ADAMTS15: variants seen among roughly 807,000 people sequenced by gnomAD.
ADAMTS15 encodes the protein ADAM metallopeptidase with thrombospondin type 1 motif 15, also known as A disintegrin and metalloproteinase with thrombospondin motifs 15.
Under a neutral mutation model 79.1 loss-of-function variants are expected in ADAMTS15, and 35 were observed. The observed-to-expected ratio is 0.44, with a 90% CI of 0.34 to 0.59. ADAMTS15 has a LOEUF of 0.59. Ranked by LOEUF, ADAMTS15 falls within the 20% of genes least tolerant of loss-of-function variation. The pLI, the probability that ADAMTS15 is intolerant of heterozygous loss-of-function variation, is 0.02. For synonymous variants in ADAMTS15, 616 were observed against 567.3 expected (o/e 1.09, Z -1.22); for missense variants, 1,324 against 1,318.7 (o/e 1.00, Z -0.06).
rs902206587 is a variant in ADAMTS15 at position 130,449,945 on chromosome 11, C to T, written c.957+15C>T. On this transcript the variant is annotated intron_variant, in intron 1 of 7. Coordinates refer to ENST00000299164, the MANE Select transcript of ADAMTS15 (RefSeq NM_139055.4). This position sits in a 1 kb window ranked among gnomAD's most constrained non-coding sequence, Gnocchi z 7.8. The stretch of plus-strand genomic sequence containing the variant: ...TCACCAGGCAGGTGAGTTGATCTGC[C>T]GTCACTTTGCACCCAGATAGTCCCG... 6.3e-7 allele frequency: 1 copy of T among 1,595,132 alleles called. No homozygotes were observed. The highest frequency in any genetic ancestry group is 8.5e-7 in the Non-Finnish European group (1 of 1,176,636).
intron 4 of ADAMTS15, among the ~76,000 whole-genome samples, chr11:130,466,896 A>G (rs1938311932): frequency 6.6e-6 from 1 of 151,948 alleles, no homozygotes; most frequent in Non-Finnish European, 1.5e-5. Flanking sequence ...TGCCACCTGT[A>G]CTTCCTTCAG....
At position 130,474,390 on chromosome 11, in the gene ADAMTS15, G is replaced by A. The variant is rs1371008939; in HGVS notation, c.*569G>A. 1.3e-5 allele frequency: 2 copies of A among 153,224 alleles called. No individual in the cohort carries two copies. Among genetic ancestry groups the A allele is most frequent in the Non-Finnish European group, 2.9e-5 (2 of 68,806 alleles). 9.5% of individuals were successfully genotyped at this position (153,224 alleles called of 1,614,324 possible). On this transcript the variant is annotated 3_prime_UTR_variant, in exon 8 of 8. Coordinates refer to ENST00000299164, the MANE Select transcript of ADAMTS15 (RefSeq NM_139055.4). Reference sequence around the variant, plus strand: ...CCCCTGGAGCCTGGCACTCCACCTTGGAAGACGTGGACGTGCACAGGGAGT... The same window carrying A: ...CCCCTGGAGCCTGGCACTCCACCTTAGAAGACGTGGACGTGCACAGGGAGT...
intron 4 of ADAMTS15, among the ~76,000 whole-genome samples, chr11:130,467,340 G>A (rs1366281555): frequency 1.3e-5 from 2 of 152,146 alleles, no homozygotes; most frequent in Non-Finnish European, 2.9e-5. Flanking sequence ...TGAGGAAAGA[G>A]CAAACGTGGG....
At chr11:130,468,690 A>G (rs866325340) in intron 4 of ADAMTS15, among the ~76,000 whole-genome samples, 13 of 145,154 alleles carry the variant, frequency 9.0e-5, no homozygotes, top group Admixed American at 3.5e-4. Context: ...GCGTGAACCC[A>G]GGAGGCGGAG....
chr11:130,449,894 C>G lies in ADAMTS15; in HGVS notation c.921C>G (p.Pro307=), dbSNP rs781780911. ...TGAACAAAGTGAGTGACAAGCACCCCGAGTACTGGGACACTGCCATCCTCT... is the reference window on the plus strand; with the variant it reads ...TGAACAAAGTGAGTGACAAGCACCCGGAGTACTGGGACACTGCCATCCTCT... The part of the protein sequence containing the change: ...KKLNKVSDKH[P]EYWDTAILFT... Residue 307 remains proline, a synonymous_variant, in exon 1 of 8, where the codon CCC becomes CCG. Coordinates refer to ENST00000299164, the MANE Select transcript of ADAMTS15 (RefSeq NM_139055.4). This position sits in a 1 kb window ranked among gnomAD's most constrained non-coding sequence, Gnocchi z 7.8. 3.0e-5 allele frequency: 48 copies of G among 1,600,912 alleles called. No homozygotes were observed. The highest frequency in any genetic ancestry group is 3.9e-5 in the Non-Finnish European group (46 of 1,179,956).
At chr11:130,470,156 A>ATATATACATATATATATATATATGTG (rs1938402773) in intron 5 of ADAMTS15, among the ~76,000 whole-genome samples, 1 of 44,420 alleles carries the variant, frequency 2.3e-5, no homozygotes, top group Non-Finnish European at 4.6e-5. Flanking sequence ...ATATATGTGT[A>ATATATACATATATATATATATATGTG]TATATATATA....
rs911391031 is a variant in ADAMTS15, at chr11:130,468,939, C to CAAAAAAAA, written c.1543-303_1543-296dup. Among the ~76,000 whole-genome samples, 36 of 27,846 alleles carry CAAAAAAAA rather than the reference C, an allele frequency of 1.3e-3. 1 individual carries two copies. Among genetic ancestry groups the CAAAAAAAA allele is most frequent in the African/African-American group, 3.4e-3 (34 of 10,138 alleles). 18.3% of individuals were successfully genotyped at this position (27,846 alleles called of 152,430 possible). On this transcript the variant is annotated intron_variant, in intron 4 of 7. Transcript: ENST00000299164. ...GCAAAAGAGGGAGACTCCACCTCAACAAAAAAAAAAAAAAAAAAAAAAAAA... is the reference window on the plus strand; with the variant it reads ...GCAAAAGAGGGAGACTCCACCTCAACAAAAAAAAAAAAAAAAAAAAAAAAAAAAAAAAA...
chr11:130,459,305 C>T (rs1346472015), intron 1 of ADAMTS15, among the ~76,000 whole-genome samples: 1 of 152,138 alleles, frequency 6.6e-6, no homozygotes, highest in East Asian at 1.9e-4. Context: ...GCTGGGATTA[C>T]AGGTGTGCAC....
At position 130,473,645 on chromosome 11, in the gene ADAMTS15, C is replaced by T. The variant is rs1315144310; in HGVS notation, c.2677C>T (p.Pro893Ser). 4 of 1,607,384 alleles carry T rather than the reference C, an allele frequency of 2.5e-6. No individual in the cohort carries two copies. In the African/African-American group the frequency reaches 4.0e-5, roughly 16 times the overall value. ...RPVETQACGE[P>S]CPTWELSAWS... is the part of the protein sequence containing the mutation. ...CGTGGAGACACAAGCCTGCGGGGAGCCCTGCCCCACCTGGGAGCTCAGCGC... is the reference window on the plus strand; with the variant it reads ...CGTGGAGACACAAGCCTGCGGGGAGTCCTGCCCCACCTGGGAGCTCAGCGC... The change falls in exon 8 of 8, where the codon CCC becomes TCC. Residue 893 changes from proline (P) to serine (S), a missense_variant. Physicochemically the swap from Pro to Ser is moderately conservative, Grantham distance 74. Coordinates refer to ENST00000299164, the MANE Select transcript of ADAMTS15 (RefSeq NM_139055.4).
Position 130,462,964 on chromosome 11 carries a change from C to CT in ADAMTS15, c.1542+185dup, listed in dbSNP as rs143562491. Among the ~76,000 whole-genome samples the CT allele has an allele frequency of 0.019, 2,904 of 152,326 alleles. 93 individuals carry two copies. The highest frequency in any genetic ancestry group is 0.065 in the African/African-American group (2,698 of 41,560). On this transcript the variant is annotated intron_variant, in intron 4 of 7. Transcript: ENST00000299164. The surrounding 1 kb of genome is among the most constrained non-coding windows in gnomAD (Gnocchi z 4.3). ...ATATAGTCCTATCCCCTTCTTGACTCTAAGACCGGAGAGAAAAGCTATGGC... is the reference window on the plus strand; with the variant it reads ...ATATAGTCCTATCCCCTTCTTGACTCTTAAGACCGGAGAGAAAAGCTATGGC...
Position 130,472,918 on chromosome 11 carries a change from A to G in ADAMTS15, c.2079-129A>G. 7.2e-7 allele frequency: 1 copy of G among 1,391,380 alleles called. No individual in the cohort carries two copies. Among genetic ancestry groups the G allele is most frequent in the Non-Finnish European group, 9.8e-7 (1 of 1,021,350 alleles). 86.2% of individuals were successfully genotyped at this position (1,391,380 alleles called of 1,614,324 possible). On this transcript the variant is annotated intron_variant, in intron 7 of 7. Transcript: ENST00000299164. This position sits in a 1 kb window ranked among gnomAD's most constrained non-coding sequence, Gnocchi z 4.7. ...AGGGGCAGGGACCTCTCTGACTCCA[A>G]AACCTGTGCTTTTACTCCCATGCCA...
At chr11:130,455,977 G>A (rs1402595921) in intron 1 of ADAMTS15, among the ~76,000 whole-genome samples, 1 of 152,216 alleles carries the variant, frequency 6.6e-6, no homozygotes. Context: ...ACCAGAGGCA[G>A]CAGGAAGTCA....
intron 1 of ADAMTS15, among the ~76,000 whole-genome samples, chr11:130,453,322 T>C (rs1298177989): frequency 6.6e-6 from 1 of 151,712 alleles, no homozygotes; most frequent in Admixed American, 6.6e-5. Flanking sequence ...GGTTTTACTG[T>C]CTGTTTCTTC....
In ADAMTS15 at chr11:130,449,810, C is replaced by T. The variant is rs1157060753; in HGVS notation, c.837C>T (p.Pro279=). 3 of 1,611,096 alleles carry T rather than the reference C, an allele frequency of 1.9e-6. No individual in the cohort carries two copies. The highest frequency in any genetic ancestry group is 2.5e-6 in the Non-Finnish European group (3 of 1,180,028). ...VLLLRDRDSG[P]KVTGNAALTL... ...TTCTTAGAGATCGTGACTCCGGGCC[C>T]AAGGTCACCGGCAATGCGGCCCTGA... The change falls in exon 1 of 8, where the codon CCC becomes CCT. Residue 279 remains proline (P), a synonymous_variant. Transcript: ENST00000299164. This position sits in a 1 kb window ranked among gnomAD's most constrained non-coding sequence, Gnocchi z 7.8.
rs78506847 is a variant in ADAMTS15 at position 130,473,255 on chromosome 11, G to A, written c.2287G>A (p.Gly763Ser). 6.1e-5 allele frequency: 98 copies of A among 1,613,526 alleles called. No individual in the cohort carries two copies. The East Asian group carries it at 2.0e-3, about 33-fold the overall frequency. Residue 763 changes from glycine (G) to serine (S), a missense_variant, in exon 8 of 8, where the codon GGC (glycine) becomes AGC (serine). Physicochemically the swap from Gly to Ser is moderately conservative, Grantham distance 56 (BLOSUM62 0). Transcript: ENST00000299164. ...KGSLLRYSGTGTAVESLQASR... is the reference protein window; with the variant it reads ...KGSLLRYSGTSTAVESLQASR... ...CAGTCTGCTGCGGTACAGCGGCACGGGCACAGCGGTGGAGAGCCTGCAGGC... is the reference window on the plus strand; with the variant it reads ...CAGTCTGCTGCGGTACAGCGGCACGAGCACAGCGGTGGAGAGCCTGCAGGC...
At chr11:130,468,830 G>A (rs1371604238) in intron 4 of ADAMTS15, among the ~76,000 whole-genome samples, 6 of 150,456 alleles carry the variant, frequency 4.0e-5, no homozygotes, top group East Asian at 1.9e-4. Context: ...CCAGCTACTC[G>A]GGAGGCTGAG....
rs56123707 is a variant in ADAMTS15, at chr11:130,448,680, G to C, written c.-294G>C. ...TGGCTGCGGTTGCGAGAAGCCGCCCGGCACCTTCCGCTAGTTCTCGGCTGC... is the reference window on the plus strand; with the variant it reads ...TGGCTGCGGTTGCGAGAAGCCGCCCCGCACCTTCCGCTAGTTCTCGGCTGC... On this transcript the variant is annotated 5_prime_UTR_variant, in exon 1 of 8. Coordinates refer to ENST00000299164, the MANE Select transcript of ADAMTS15 (RefSeq NM_139055.4). Among the ~76,000 whole-genome samples the C allele has an allele frequency of 2.6e-5, 4 of 152,232 alleles. No homozygotes were observed. The highest frequency in any genetic ancestry group is 9.6e-5 in the African/African-American group (4 of 41,462).
At chr11:130,459,376 G>C (rs749497831) in intron 1 of ADAMTS15, among the ~76,000 whole-genome samples, 3 of 152,110 alleles carry the variant, frequency 2.0e-5, no homozygotes, top group Non-Finnish European at 4.4e-5. Flanking sequence ...ATGTTTCCCA[G>C]GTTGGTCTTG....
intron 1 of ADAMTS15, among the ~76,000 whole-genome samples, chr11:130,452,497 G>A (rs1407231661): frequency 6.6e-6 from 1 of 152,198 alleles, no homozygotes; most frequent in Non-Finnish European, 1.5e-5. Flanking sequence ...ATTTAATGCC[G>A]AGACTTGGTA....
Sources: gnomAD v4.1 joint callset for allele counts (sites outside exome capture counted in the v4.1 genomes callset) on GRCh38, gnomAD v4.1.1 for gene constraint, Gnocchi (gnomAD v3.1) non-coding constraint, MANE v1.5 for transcripts, NCBI Gene and HGNC (gene_info 2026-07-23, HGNC 2026-07-21) for gene names.